Variants in KIAA1217 observed in about 807,000 individuals in gnomAD.
KIAA1217 encodes sickle tail protein homolog.
A neutral mutation model predicts 163.9 loss-of-function variants in KIAA1217; 88 were observed. The observed-to-expected ratio is 0.54, with a 90% confidence interval of 0.45 to 0.64. The LOEUF (loss-of-function observed/expected upper bound fraction) is 0.64, where lower values mean the gene tolerates loss of function less well. Ranked by LOEUF, KIAA1217 falls within the 30% of genes least tolerant of loss-of-function variation. The probability of loss-of-function intolerance (pLI) is 0.00; values close to 1 mark genes in which losing one functional copy is unlikely to be tolerated. For synonymous variants in KIAA1217, 903 were observed against 923.1 expected (o/e 0.98, Z 0.39); for missense variants, 2,372 against 2,475.0 (o/e 0.96, Z 0.88).
At chr10:23,788,735 A>C (rs1344061284) in intron 1 of KIAA1217, among the ~76,000 whole-genome samples, 1 of 152,350 alleles carries the variant, frequency 6.6e-6, no homozygotes, top group African/African-American at 2.4e-5. Flanking sequence ...CATGAGCAGC[A>C]CTTGTCAGGC....
At chr10:24,223,246 G>T (rs183833152) in intron 2 of KIAA1217, among the ~76,000 whole-genome samples, 1 of 152,122 alleles carries the variant, frequency 6.6e-6, no homozygotes, top group African/African-American at 2.4e-5. Context: ...GAGTTGCTCT[G>T]GTTCAAACGC....
chr10:24,437,129 C>T (rs1055652850), intron 4 of KIAA1217, among the ~76,000 whole-genome samples: 1 of 152,158 alleles, frequency 6.6e-6, no homozygotes, highest in African/African-American at 2.4e-5. Flanking sequence ...TCATGGCTCC[C>T]GTGAGGTTTT....
intron 1 of KIAA1217, among the ~76,000 whole-genome samples, chr10:23,931,703 G>C (rs1843258419): frequency 6.6e-6 from 1 of 152,132 alleles, no homozygotes; most frequent in South Asian, 2.1e-4. Flanking sequence ...CCTTTCTCAT[G>C]GGTGGGGTTA....
At chr10:24,052,147 A>G (rs1849561646) in intron 2 of KIAA1217, among the ~76,000 whole-genome samples, 1 of 152,098 alleles carries the variant, frequency 6.6e-6, no homozygotes, top group Non-Finnish European at 1.5e-5. Flanking sequence ...GTGTGTATTG[A>G]GCAGGCAATG....
intron 3 of KIAA1217, among the ~76,000 whole-genome samples, chr10:24,390,099 T>C (rs148158060): frequency 1.1e-4 from 16 of 152,302 alleles, no homozygotes; most frequent in African/African-American, 2.9e-4. Flanking sequence ...AGCCATTTAA[T>C]AAATCCATTT....
intron 2 of KIAA1217, among the ~76,000 whole-genome samples, chr10:24,328,726 A>C (rs994580456): frequency 6.6e-6 from 1 of 152,022 alleles, no homozygotes; most frequent in Non-Finnish European, 1.5e-5. Context: ...ATTTTATCTC[A>C]TACTTTTTGA....
chr10:24,374,889 A>G (rs1048652147), intron 2 of KIAA1217, among the ~76,000 whole-genome samples: 3 of 152,158 alleles, frequency 2.0e-5, no homozygotes, highest in African/African-American at 7.2e-5. Flanking sequence ...GGCTCAAGCC[A>G]TCCTCCTGCC....
intron 12 of KIAA1217, 98 bp from the exon 13 acceptor site, chr10:24,524,225 T>C (rs2071748520): frequency 7.8e-7 from 1 of 1,280,506 alleles, no homozygotes; most frequent in African/African-American, 1.5e-5. Context: ...CTTTGGGATG[T>C]GTGACTCTCA....
chr10:24,372,938 CCA>C (rs1162830148), intron 2 of KIAA1217, among the ~76,000 whole-genome samples: 2 of 152,202 alleles, frequency 1.3e-5, no homozygotes, highest in African/African-American at 4.8e-5. Flanking sequence ...CCAAATCAAA[CCA>C]ATCTATCCTG....
intron 1 of KIAA1217, among the ~76,000 whole-genome samples, chr10:23,934,411 G>A (rs763510454): frequency 2.0e-5 from 3 of 150,414 alleles, no homozygotes; most frequent in Admixed American, 6.6e-5. Flanking sequence ...GGAGCTTAGA[G>A]AATGGGCCAA....
chr10:24,107,733 C>G (rs747582187), intron 2 of KIAA1217, among the ~76,000 whole-genome samples: 1 of 152,190 alleles, frequency 6.6e-6, no homozygotes, highest in Non-Finnish European at 1.5e-5. Flanking sequence ...AAGTGAATGT[C>G]TGGCTAAATC....
intron 2 of KIAA1217, among the ~76,000 whole-genome samples, chr10:24,029,159 A>G (rs1004344816): frequency 1.3e-5 from 2 of 152,204 alleles, no homozygotes; most frequent in African/African-American, 4.8e-5. Context: ...TAATGTAATC[A>G]TCCAAATAAT....
intron 1 of KIAA1217, among the ~76,000 whole-genome samples, chr10:23,785,075 A>C (rs919969460): frequency 6.6e-6 from 1 of 152,132 alleles, no homozygotes; most frequent in African/African-American, 2.4e-5. Flanking sequence ...GGGGCTTCTT[A>C]TCATCTTTAA....
intron 14 of KIAA1217, 103 bp downstream of exon 14, chr10:24,528,222 A>G (rs994244385): frequency 5.7e-6 from 5 of 876,874 alleles, no homozygotes; most frequent in Non-Finnish European, 8.5e-6. Flanking sequence ...CCAATGTCTC[A>G]GTTCTTACAA....
At chr10:23,922,943 G>A (rs1432030024) in intron 1 of KIAA1217, among the ~76,000 whole-genome samples, 4 of 152,100 alleles carry the variant, frequency 2.6e-5, no homozygotes, top group African/African-American at 9.7e-5. Context: ...AACCAAGAAA[G>A]ACTTTTATTT....
intron 1 of KIAA1217, among the ~76,000 whole-genome samples, chr10:23,902,995 T>C (rs751487712): frequency 9.2e-5 from 14 of 152,106 alleles, no homozygotes; most frequent in Non-Finnish European, 1.8e-4. Context: ...GCGTTGGAAA[T>C]GGGAGCCAAT....
In KIAA1217 at chr10:23,701,322, T is replaced by C. The variant is rs564768968; in HGVS notation, c.-321+6088T>C. ...TAAATGCATTTATCTCTCCAAGATA[T>C]GGCATAATCCTTTCCGTGAAATACT... is the stretch of plus-strand genomic sequence containing the variant. On this transcript the variant is annotated intron_variant, in intron 1 of 18. Transcript: ENST00000376462. Among the ~76,000 whole-genome samples, 70 of 152,322 alleles carry C rather than the reference T, an allele frequency of 4.6e-4. No homozygotes were observed. In the South Asian group the frequency reaches 0.014, roughly 31 times the overall value.
intron 3 of KIAA1217, among the ~76,000 whole-genome samples, chr10:24,418,633 G>A (rs1266145885): frequency 6.6e-6 from 1 of 152,104 alleles, no homozygotes; most frequent in Non-Finnish European, 1.5e-5. Flanking sequence ...GATTAACTCA[G>A]GCAGTTTCTC....
rs2054292940 is a variant in KIAA1217, at chr10:24,388,195, AC to A, written c.553+7130del. On this transcript the variant is annotated intron_variant, in intron 3 of 20. Transcript: ENST00000376454. ...GTAACCAAAACAGCATGGTACTGGTACCAAAACAGAGATACAGACCAATGGA... is the reference window on the plus strand; with the variant it reads ...GTAACCAAAACAGCATGGTACTGGTACAAAACAGAGATACAGACCAATGGA... Among the ~76,000 whole-genome samples the A allele has an allele frequency of 3.3e-5, 5 of 152,360 alleles. No individual in the cohort carries two copies. In the South Asian group the frequency reaches 8.3e-4, roughly 25 times the overall value.
Sources: gnomAD v4.1 joint callset for allele counts (sites outside exome capture counted in the v4.1 genomes callset) on GRCh38, gnomAD v4.1.1 for gene constraint, MANE v1.5 for transcripts, NCBI Gene and HGNC (gene_info 2026-07-23, HGNC 2026-07-21) for gene names.